The following PVT1 variants were observed in gnomAD, a reference collection of about 807,000 sequenced individuals.
PVT1 encodes the protein CXCR4/PVT1 fusion.
intron 3 of PVT1, among the ~76,000 whole-genome samples, chr8:127,927,930 T>C (rs900437218): frequency 6.6e-6 from 1 of 152,202 alleles, no homozygotes; most frequent in African/African-American, 2.4e-5. Flanking sequence ...TTAAATACTT[T>C]ACAAAAATTC....
intron 2 of PVT1, among the ~76,000 whole-genome samples, chr8:127,802,544 G>A (rs1200923184): frequency 6.6e-6 from 1 of 151,938 alleles, no homozygotes; most frequent in African/African-American, 2.4e-5. Flanking sequence ...ATTCTTTGAT[G>A]TTAATTACAT....
intron 3 of PVT1, among the ~76,000 whole-genome samples, chr8:127,942,018 C>T (rs891513742): frequency 2.0e-5 from 3 of 152,204 alleles, no homozygotes; most frequent in Admixed American, 2.0e-4. Context: ...AAACGACTCC[C>T]TTCCCAAGGG....
chr8:127,848,692 A>C (rs1205595626), intron 2 of PVT1, among the ~76,000 whole-genome samples: 4 of 152,176 alleles, frequency 2.6e-5, no homozygotes, highest in African/African-American at 9.7e-5. Context: ...TCAGATAAAA[A>C]ACAAACAAAC....
chr8:127,918,855 C>G (rs895379061), intron 3 of PVT1, among the ~76,000 whole-genome samples: 2 of 152,236 alleles, frequency 1.3e-5, no homozygotes, highest in South Asian at 4.1e-4. Flanking sequence ...CCACTCGTAG[C>G]AACCTGGCCA....
chr8:127,885,245 C>T (rs1239171950), intron 2 of PVT1, among the ~76,000 whole-genome samples: 4 of 152,062 alleles, frequency 2.6e-5, no homozygotes, highest in African/African-American at 9.7e-5. Context: ...GGAGCCTCTT[C>T]CATTTGATGT....
chr8:127,865,552 G>T (rs1815277841), intron 2 of PVT1, among the ~76,000 whole-genome samples: 1 of 152,174 alleles, frequency 6.6e-6, no homozygotes, highest in South Asian at 2.1e-4. Flanking sequence ...AAGTAACATT[G>T]CTGGCTTTGA....
At chr8:128,064,763 A>G (rs1813881445) in intron 4 of PVT1, among the ~76,000 whole-genome samples, 2 of 152,254 alleles carry the variant, frequency 1.3e-5, no homozygotes, top group Non-Finnish European at 1.5e-5. Flanking sequence ...TGCAAAATAG[A>G]AATAGTTATA....
chr8:127,853,981 C>T (rs577113682), intron 2 of PVT1, among the ~76,000 whole-genome samples: 1 of 152,264 alleles, frequency 6.6e-6, no homozygotes, highest in South Asian at 2.1e-4. Context: ...GGCGTTTTCT[C>T]TTCCCGGCTC....
chr8:127,807,740 T>C (rs1814543198), intron 2 of PVT1, among the ~76,000 whole-genome samples: 2 of 152,234 alleles, frequency 1.3e-5, no homozygotes, highest in African/African-American at 4.8e-5. Context: ...TTCATGGTTG[T>C]CAATTCTAGG....
intron 4 of PVT1, among the ~76,000 whole-genome samples, chr8:128,066,584 G>T (rs1349333813): frequency 6.6e-6 from 1 of 152,210 alleles, no homozygotes; most frequent in Non-Finnish European, 1.5e-5. Flanking sequence ...TCCATTGGTA[G>T]GGGTTTTCTT....
At chr8:127,855,809 G>A (rs1214496433) in intron 2 of PVT1, among the ~76,000 whole-genome samples, 1 of 152,220 alleles carries the variant, frequency 6.6e-6, no homozygotes, top group Admixed American at 6.5e-5. Context: ...AAATGAAAAT[G>A]TCTGGCTTCC....
At chr8:128,047,694 C>T (rs1300917995) in intron 4 of PVT1, among the ~76,000 whole-genome samples, 2 of 152,070 alleles carry the variant, frequency 1.3e-5, no homozygotes, top group Non-Finnish European at 2.9e-5. Flanking sequence ...AGCTTAAATG[C>T]TCATTAGTTA....
chr8:128,032,694 A>G (rs1044774196), intron 4 of PVT1, among the ~76,000 whole-genome samples: 4 of 152,346 alleles, frequency 2.6e-5, no homozygotes, highest in South Asian at 2.1e-4. Context: ...GACTGCCTCC[A>G]TGTCTAGGGT....
chr8:127,968,839 G>A (rs912121185), intron 3 of PVT1, among the ~76,000 whole-genome samples: 2 of 152,138 alleles, frequency 1.3e-5, no homozygotes, highest in Admixed American at 6.5e-5. Context: ...GCCATGTGAT[G>A]ATGGAGGTGG....
At chr8:127,846,934 GCCT>G (rs1815041103) in intron 2 of PVT1, among the ~76,000 whole-genome samples, 1 of 150,236 alleles carries the variant, frequency 6.7e-6, no homozygotes, top group Non-Finnish European at 1.5e-5. Context: ...GCCCACCTCG[GCCT>G]CCCAAAGTGC....
At chr8:128,047,596 A>G (rs1813634083) in intron 4 of PVT1, among the ~76,000 whole-genome samples, 1 of 152,216 alleles carries the variant, frequency 6.6e-6, no homozygotes, top group Admixed American at 6.5e-5. Context: ...ACACTGGGCG[A>G]ATCCTAAGAA....
intron 3 of PVT1, among the ~76,000 whole-genome samples, chr8:127,909,703 T>A (rs1470084093): frequency 1.3e-5 from 2 of 151,880 alleles, no homozygotes. Flanking sequence ...GGGGATGTGG[T>A]GGTACAGGGT....
At chr8:128,037,612 C>T (rs185484801) in intron 4 of PVT1, among the ~76,000 whole-genome samples, 1 of 152,168 alleles carries the variant, frequency 6.6e-6, no homozygotes, top group Non-Finnish European at 1.5e-5. Context: ...CTAGCTGTGC[C>T]CACAGACAGA....
chr8:127,856,648 G>A (rs13278252), intron 2 of PVT1, among the ~76,000 whole-genome samples: 1 of 152,136 alleles, frequency 6.6e-6, no homozygotes, highest in African/African-American at 2.4e-5. Flanking sequence ...GCCCCAGCCA[G>A]CTATATTAAC....
Sources: allele counts gnomAD v4.1 joint callset (sites outside exome capture counted in the v4.1 genomes callset), GRCh38; gene constraint gnomAD v4.1.1; transcripts MANE v1.5; gene names NCBI Gene and HGNC (gene_info 2026-07-23, HGNC 2026-07-21).